Variants in PARP16 observed in about 807,000 individuals in gnomAD.
The protein encoded by PARP16 is protein mono-ADP-ribosyltransferase PARP16.
In PARP16, 31 loss-of-function variants were observed where a neutral mutation model predicts 35.0. The observed-to-expected ratio is 0.88, with a 90% confidence interval of 0.66 to 1.19. The LOEUF (loss-of-function observed/expected upper bound fraction) is 1.19, where lower values mean the gene tolerates loss of function less well. PARP16 is among the 50% of genes most tolerant of loss of function. PARP16 has a pLI of 0.00. For missense variants in PARP16, 424 were observed against 411.2 expected, an observed-to-expected ratio of 1.03 and a Z score of -0.27; for synonymous variants, 162 against 169.5, an observed-to-expected ratio of 0.96 and a Z score of 0.34.
chr15:65,233,417 A>AAAAC (rs561219086), downstream of PARP16, among the ~76,000 whole-genome samples: 247 of 151,788 alleles, frequency 1.6e-3, no homozygotes, highest in Middle Eastern at 0.014. Context: ...AAACAAAACC[A>AAAAC]AAACAAACAA....
chr15:65,280,806 GAAAA>G (rs1044523772), intron 1 of PARP16, among the ~76,000 whole-genome samples: 1 of 151,178 alleles, frequency 6.6e-6, no homozygotes, highest in East Asian at 1.9e-4. Flanking sequence ...AAAGAGGGAG[GAAAA>G]AAAAGAGAAA....
chr15:65,277,581 G>A (rs1045657667), intron 1 of PARP16, among the ~76,000 whole-genome samples: 6 of 152,260 alleles, frequency 3.9e-5, no homozygotes, highest in Non-Finnish European at 5.9e-5. Flanking sequence ...TGAGGAAACT[G>A]AGGCTTGGAG....
intron 1 of PARP16, among the ~76,000 whole-genome samples, chr15:65,280,255 G>A (rs1274721450): frequency 4.0e-5 from 6 of 151,812 alleles, no homozygotes; most frequent in Non-Finnish European, 8.8e-5. Context: ...TGGGCAACAT[G>A]GTGAAACCCC....
intron 2 of PARP16, among the ~76,000 whole-genome samples, chr15:65,249,224 T>C (rs1255328277): frequency 6.6e-6 from 1 of 152,228 alleles, no homozygotes; most frequent in Non-Finnish European, 1.5e-5. Context: ...CTCAACTCTG[T>C]GGACTGTGTC....
At chr15:65,242,695 T>G (rs1258555586) in intron 3 of PARP16, among the ~76,000 whole-genome samples, 1 of 152,154 alleles carries the variant, frequency 6.6e-6, no homozygotes, top group African/African-American at 2.4e-5. Context: ...TTTGCTAACC[T>G]CAGTTATTCA....
chr15:65,263,333 G>A lies in PARP16; in HGVS notation c.520-13C>T, dbSNP rs760952749. 6.4e-7 allele frequency: 1 copy of A among 1,556,244 alleles called. No individual in the cohort carries two copies. The highest frequency in any genetic ancestry group is 8.7e-7 in the Non-Finnish European group (1 of 1,150,886). ...CGAACAAGGATGTCTGCAACAGCAA[G>A]GCCAATGGAAAAGAAACACAGATGG... On this transcript the variant is annotated splice_polypyrimidine_tract_variant and intron_variant, in intron 3 of 5. Transcript: ENST00000649807.
chr15:65,263,324 C>T lies in PARP16; in HGVS notation c.520-4G>A, dbSNP rs374039206. On this transcript the variant is annotated splice_polypyrimidine_tract_variant and splice_region_variant and intron_variant, in intron 3 of 5. Coordinates refer to ENST00000649807, the MANE Select transcript of PARP16 (RefSeq NM_001316943.2). ...TCCCCTCTCCGAACAAGGATGTCTG[C>T]AACAGCAAGGCCAATGGAAAAGAAA... 6.4e-7 allele frequency: 1 copy of T among 1,572,598 alleles called. No individual in the cohort carries two copies. Among genetic ancestry groups the T allele is most frequent in the African/African-American group, 1.4e-5 (1 of 73,582 alleles).
Position 65,245,314 on chromosome 15 carries a change from G to T in PARP16, c.*97+2803C>A, listed in dbSNP as rs575099082. On this transcript the variant is annotated intron_variant and NMD_transcript_variant, in intron 3 of 3. Coordinates refer to the PARP16 transcript ENST00000559805. ...TCTGGACCTGGCTGCCTAGCCCCAGGAGACAGGCGGTAGGACACGTTGCCA... is the reference window on the plus strand; with the variant it reads ...TCTGGACCTGGCTGCCTAGCCCCAGTAGACAGGCGGTAGGACACGTTGCCA... Among the ~76,000 whole-genome samples the T allele has an allele frequency of 1.2e-3, 179 of 152,324 alleles. 6 individuals are homozygous for T. The South Asian group carries it at 0.035, about 30-fold the overall frequency.
chr15:65,236,700 C>T (rs538318896), intron 3 of PARP16, among the ~76,000 whole-genome samples: 1 of 152,270 alleles, frequency 6.6e-6, no homozygotes, highest in African/African-American at 2.4e-5. Context: ...TGGCTGGGCA[C>T]GGTGGCTTAT....
At chr15:65,240,517 CT>C (rs2089043170) in intron 3 of PARP16, among the ~76,000 whole-genome samples, 1 of 152,144 alleles carries the variant, frequency 6.6e-6, no homozygotes, top group Admixed American at 6.5e-5. Context: ...GCTGCTGTGC[CT>C]GGCCTATATA....
chr15:65,262,280 A>C (rs1046268832), intron 4 of PARP16, among the ~76,000 whole-genome samples: 1 of 151,636 alleles, frequency 6.6e-6, no homozygotes, highest in Non-Finnish European at 1.5e-5. Flanking sequence ...CCACAGGCAC[A>C]CGCCACCACA....
Position 65,274,053 on chromosome 15 carries a change from C to T in PARP16, c.175-2981G>A, listed in dbSNP as rs559987376. On this transcript the variant is annotated intron_variant, in intron 1 of 5. Coordinates refer to ENST00000649807, the MANE Select transcript of PARP16 (RefSeq NM_001316943.2). ...CTGCAGGATCCATCCCACCCCCACC[C>T]GAAGTGATTCTCCTGCATAGCTGGG... is the stretch of plus-strand genomic sequence containing the variant. Among the ~76,000 whole-genome samples the T allele has an allele frequency of 8.4e-4, 127 of 151,958 alleles. 1 individual carries two copies. The highest frequency in any genetic ancestry group is 2.9e-3 in the African/African-American group (119 of 41,456).
intron 3 of PARP16, among the ~76,000 whole-genome samples, chr15:65,242,298 A>G (rs1186875494): frequency 2.0e-5 from 3 of 152,166 alleles, no homozygotes; most frequent in African/African-American, 4.8e-5. Context: ...GAAATCAGGT[A>G]GGGCCAGTAA....
At chr15:65,240,312 TGGG>T (rs1183574054) in intron 3 of PARP16, among the ~76,000 whole-genome samples, 2 of 102,128 alleles carry the variant, frequency 2.0e-5, no homozygotes, top group Admixed American at 9.0e-5. Context: ...GTGTGTGTGG[TGGG>T]GGGGGCTAGT....
chr15:65,261,983 A>G (rs1176095998), intron 4 of PARP16, among the ~76,000 whole-genome samples: 1 of 152,200 alleles, frequency 6.6e-6, no homozygotes, highest in South Asian at 2.1e-4. Flanking sequence ...CTTCCTAAGA[A>G]TTATAAATGC....
chr15:65,259,769 C>G (rs1169075552), intron 5 of PARP16, among the ~76,000 whole-genome samples: 1 of 152,224 alleles, frequency 6.6e-6, no homozygotes, highest in East Asian at 1.9e-4. Flanking sequence ...GACAGCTATG[C>G]AATGAGCTCA....
At chr15:65,239,452 A>AAAAAAG (rs34910178) in intron 3 of PARP16, among the ~76,000 whole-genome samples, 34 of 113,098 alleles carry the variant, frequency 3.0e-4, no homozygotes, top group African/African-American at 7.6e-4. Flanking sequence ...AAAAAAAAAA[A>AAAAAAG]AGAGAGAAAA....
intron 3 of PARP16, among the ~76,000 whole-genome samples, chr15:65,244,549 T>A (rs2089160056): frequency 6.6e-6 from 1 of 152,160 alleles, no homozygotes; most frequent in Non-Finnish European, 1.5e-5. Flanking sequence ...CCCGCCCCCA[T>A]GACTCAATGA....
Position 65,266,600 on chromosome 15 carries a change from A to G in PARP16, c.481T>C (p.Ser161Pro). 6.2e-7 allele frequency: 1 copy of G among 1,614,030 alleles called. No individual in the cohort carries two copies. The highest frequency in any genetic ancestry group is 8.5e-7 in the Non-Finnish European group (1 of 1,180,000). ...CAGTGCAGGCCATTGTGGATAATGG[A>G]ATGGAAGTTTTCTAGGCGGCTACCA... ...FHGSRLENFH[S>P]IIHNGLHCHL... The change falls in exon 3 of 6, where the codon TCC becomes CCC. Residue 161 changes from serine to proline, a missense_variant. Physicochemically the swap from Ser to Pro is moderately conservative, Grantham distance 74. Transcript: ENST00000649807.
Sources: gnomAD v4.1 joint callset for allele counts (sites outside exome capture counted in the v4.1 genomes callset) on GRCh38, gnomAD v4.1.1 for gene constraint, MANE v1.5 for transcripts, NCBI Gene and HGNC (gene_info 2026-07-23, HGNC 2026-07-21) for gene names.